The following CAMTA1 variants were observed in gnomAD, a reference collection of about 807,000 sequenced individuals.
CAMTA1 encodes calmodulin-binding transcription activator 1.
In CAMTA1, 27 loss-of-function variants were observed where a neutral mutation model predicts 170.9. The ratio of observed to expected loss-of-function variants is 0.16; its 90% confidence interval spans 0.12 to 0.22. The LOEUF (loss-of-function observed/expected upper bound fraction) is 0.22, where lower values mean the gene tolerates loss of function less well. Ranked by LOEUF, CAMTA1 falls within the 10% of genes least tolerant of loss-of-function variation. CAMTA1 has a pLI of 1.00. For missense variants in CAMTA1, 1,619 were observed against 2,217.2 expected (o/e 0.73, Z 5.42); for synonymous variants, 833 against 891.5 (o/e 0.93, Z 1.17).
Position 7,665,690 on chromosome 1 carries a change from G to A in CAMTA1, c.2652+491G>A, listed in dbSNP as rs924632929. On this transcript the variant is annotated intron_variant, in intron 9 of 22. Coordinates refer to ENST00000303635, the MANE Select transcript of CAMTA1 (RefSeq NM_015215.4). The surrounding 1 kb of genome is among the most constrained non-coding windows in gnomAD (Gnocchi z 4.3). Reference sequence around the variant, plus strand: ...TGGTTGTACCACTGCACTCCAGTCCGGATGACAGAGTGAAACCCTGTCTCA... The same window carrying A: ...TGGTTGTACCACTGCACTCCAGTCCAGATGACAGAGTGAAACCCTGTCTCA... 5.3e-5 allele frequency among the ~76,000 whole-genome samples: 8 copies of A among 152,258 alleles called. No individual in the cohort carries two copies. Among genetic ancestry groups the A allele is most frequent in the South Asian group, 4.1e-4 (2 of 4,820 alleles).
At chr1:7,272,692 CAAAA>C (rs371588178) in intron 5 of CAMTA1, among the ~76,000 whole-genome samples, 1,059 of 38,786 alleles carry the variant, frequency 0.027, 14 homozygotes, top group African/African-American at 0.094. Context: ...TAAACACATG[CAAAA>C]AAAAAAAAAA....
In CAMTA1 at chr1:7,075,430, T is replaced by G. The variant is rs1012985403; in HGVS notation, c.235-15874T>G. 8.5e-5 allele frequency among the ~76,000 whole-genome samples: 13 copies of G among 152,298 alleles called. No homozygotes were observed. In the East Asian group the frequency reaches 1.7e-3, roughly 20 times the overall value. ...TCCATTTGATTAAAACAATACCAAT[T>G]TCCACTTTAAATTGGTTTCAGGACT... On this transcript the variant is annotated intron_variant, in intron 3 of 22. Coordinates refer to ENST00000303635, the MANE Select transcript of CAMTA1 (RefSeq NM_015215.4).
rs1317485971 is a variant in CAMTA1 at position 7,592,693 on chromosome 1, G to A, written c.511-47707G>A. 6.6e-6 allele frequency among the ~76,000 whole-genome samples: 1 copy of A among 152,126 alleles called. No homozygotes were observed. Among genetic ancestry groups the A allele is most frequent in the Non-Finnish European group, 1.5e-5 (1 of 68,026 alleles). On this transcript the variant is annotated intron_variant, in intron 6 of 22. Transcript: ENST00000303635. This position sits in a 1 kb window ranked among gnomAD's most constrained non-coding sequence, Gnocchi z 4.6. ...TTTGGGTCAGGTCGGAAGCTTGTCTGTGCCCTGAACATAGGACACACAGTG... is the reference window on the plus strand; with the variant it reads ...TTTGGGTCAGGTCGGAAGCTTGTCTATGCCCTGAACATAGGACACACAGTG...
At chr1:7,376,971 G>T (rs2086886877) in intron 5 of CAMTA1, among the ~76,000 whole-genome samples, 1 of 152,166 alleles carries the variant, frequency 6.6e-6, no homozygotes, top group Non-Finnish European at 1.5e-5. Flanking sequence ...GTCTGGAAGT[G>T]CTGGACCCCT....
intron 22 of CAMTA1, among the ~76,000 whole-genome samples, chr1:7,757,571 A>G (rs1475554551): frequency 6.6e-6 from 1 of 152,188 alleles, no homozygotes; most frequent in African/African-American, 2.4e-5. Flanking sequence ...GTTCGAGACC[A>G]GCCTGGCCAA....
chr1:6,983,197 G>A (rs190469192), intron 3 of CAMTA1, among the ~76,000 whole-genome samples: 5 of 152,288 alleles, frequency 3.3e-5, no homozygotes, highest in East Asian at 1.9e-4. Flanking sequence ...GAGTATGTGC[G>A]GGGAACCTTA....
At chr1:7,198,583 G>T (rs1656023135) in intron 4 of CAMTA1, among the ~76,000 whole-genome samples, 2 of 152,000 alleles carry the variant, frequency 1.3e-5, no homozygotes, top group South Asian at 2.1e-4. Context: ...TTTCCAGAGG[G>T]TGTCTCCATC....
rs2149157949 is a variant in CAMTA1, at chr1:7,663,852, G to A, written c.1305G>A (p.Val435=). 2.5e-6 allele frequency: 4 copies of A among 1,614,052 alleles called. No homozygotes were observed. In the South Asian group the frequency reaches 4.4e-5, roughly 18 times the overall value. ...PDASQGLVLA[V]SSDGHKFAFP... is the part of the protein sequence containing the mutation. ...CCTCTCAGGGCCTCGTCCTGGCCGT[G>A]AGCTCTGATGGCCACAAGTTCGCCT... Residue 435 remains valine, a synonymous_variant, in exon 9 of 23, where the codon GTG becomes GTA. Transcript: ENST00000303635.
At chr1:6,953,898 G>A (rs757571692) in intron 3 of CAMTA1, among the ~76,000 whole-genome samples, 1 of 152,138 alleles carries the variant, frequency 6.6e-6, no homozygotes, top group Non-Finnish European at 1.5e-5. Flanking sequence ...GGGAGAAGCC[G>A]CAGTCTTTCA....
intron 3 of CAMTA1, among the ~76,000 whole-genome samples, chr1:6,830,979 C>T (rs1649837406): frequency 6.6e-6 from 1 of 151,916 alleles, no homozygotes; most frequent in African/African-American, 2.4e-5. Context: ...TCACCACGCC[C>T]AGCCAATTTT....
chr1:7,572,833 G>A (rs1015704054), intron 6 of CAMTA1, among the ~76,000 whole-genome samples: 27 of 152,212 alleles, frequency 1.8e-4, no homozygotes, highest in Non-Finnish European at 2.5e-4. Context: ...AATGGAAGAC[G>A]AAGATAAAAG....
chr1:7,345,195 C>A (rs1365490444), intron 5 of CAMTA1, among the ~76,000 whole-genome samples: 2 of 152,148 alleles, frequency 1.3e-5, no homozygotes, highest in East Asian at 3.9e-4. Flanking sequence ...TTTTCAGCTT[C>A]TTTAAGATGT....
intron 4 of CAMTA1, among the ~76,000 whole-genome samples, chr1:7,105,739 T>C (rs758222321): frequency 1.3e-5 from 2 of 151,980 alleles, no homozygotes; most frequent in Non-Finnish European, 2.9e-5. Context: ...GCCCAGGAGT[T>C]TGAGACCAGC....
At chr1:7,663,147 G>T (rs2095975297) in intron 8 of CAMTA1, among the ~76,000 whole-genome samples, 1 of 152,230 alleles carries the variant, frequency 6.6e-6, no homozygotes, top group Admixed American at 6.5e-5. Context: ...AAGGGGCGTG[G>T]GACGGCCCCC....
At chr1:7,330,298 G>T (rs1417420548) in intron 5 of CAMTA1, among the ~76,000 whole-genome samples, 2 of 152,218 alleles carry the variant, frequency 1.3e-5, no homozygotes, top group East Asian at 1.9e-4. Flanking sequence ...GCACAGGCTT[G>T]TAATAGTCGC....
At position 7,455,061 on chromosome 1, in the gene CAMTA1, G is replaced by C. The variant is rs1437174329; in HGVS notation, c.439-12769G>C. 6.6e-6 allele frequency among the ~76,000 whole-genome samples: 1 copy of C among 152,162 alleles called. No individual in the cohort carries two copies. The highest frequency in any genetic ancestry group is 1.5e-5 in the Non-Finnish European group (1 of 68,024). On this transcript the variant is annotated intron_variant, in intron 5 of 22. Coordinates refer to ENST00000303635, the MANE Select transcript of CAMTA1 (RefSeq NM_015215.4). This position sits in a 1 kb window ranked among gnomAD's most constrained non-coding sequence, Gnocchi z 5.0. The stretch of plus-strand genomic sequence containing the variant: ...GAGGTTCCGATGCACTCAGGGCCCT[G>C]GGGGCATCCAGGGCCGGCCTGGCTG...
intron 5 of CAMTA1, among the ~76,000 whole-genome samples, chr1:7,438,400 G>A (rs1038999636): frequency 6.6e-6 from 1 of 152,168 alleles, no homozygotes; most frequent in Admixed American, 6.5e-5. Context: ...CAGGGTGGCC[G>A]GGAACAAGGG....
At chr1:7,390,229 G>A (rs1212902840) in intron 5 of CAMTA1, among the ~76,000 whole-genome samples, 2 of 152,136 alleles carry the variant, frequency 1.3e-5, no homozygotes, top group Admixed American at 6.5e-5. Context: ...TAAGCAAAGC[G>A]AGCTTAGGGT....
In CAMTA1 at chr1:7,611,113, G is replaced by C. The variant is rs1386385075; in HGVS notation, c.511-29287G>C. On this transcript the variant is annotated intron_variant, in intron 6 of 22. Coordinates refer to ENST00000303635, the MANE Select transcript of CAMTA1 (RefSeq NM_015215.4). ...GAAAGTACCCACCTCCGGGACTGTG[G>C]AGAGGAAGGCGCGGGGCCATGCAGA... 2.6e-5 allele frequency among the ~76,000 whole-genome samples: 4 copies of C among 152,272 alleles called. No homozygotes were observed. The East Asian group carries it at 7.8e-4, about 30-fold the overall frequency.
Sources: gnomAD v4.1 joint callset for allele counts (sites outside exome capture counted in the v4.1 genomes callset) on GRCh38, gnomAD v4.1.1 for gene constraint, Gnocchi (gnomAD v3.1) non-coding constraint, MANE v1.5 for transcripts, NCBI Gene and HGNC (gene_info 2026-07-23, HGNC 2026-07-21) for gene names.